NAV2: variants seen among roughly 807,000 people sequenced by gnomAD.
The protein encoded by NAV2 is helicase, APC down-regulated 1.
NAV2 carries 54 observed loss-of-function variants against 223.2 expected under a neutral mutation model. That is an observed-to-expected ratio of 0.24 (90% CI 0.19 to 0.30). NAV2 has a LOEUF of 0.30. NAV2 is among the 10% of genes least tolerant of loss of function. The pLI, the probability that NAV2 is intolerant of heterozygous loss-of-function variation, is 1.00. For missense variants in NAV2, 2,806 were observed against 3,147.5 expected, an observed-to-expected ratio of 0.89 and a Z score of 2.60; for synonymous variants, 1,279 against 1,239.3, an observed-to-expected ratio of 1.03 and a Z score of -0.67.
intron 1 of NAV2, among the ~76,000 whole-genome samples, chr11:19,828,174 G>A (rs1047652939): frequency 6.6e-6 from 1 of 152,118 alleles, no homozygotes; most frequent in African/African-American, 2.4e-5. Flanking sequence ...TTTTTTAAGG[G>A]GGGGATGGTA....
chr11:19,983,764 C>T (rs1159791572), intron 10 of NAV2, among the ~76,000 whole-genome samples: 2 of 152,108 alleles, frequency 1.3e-5, no homozygotes, highest in East Asian at 1.9e-4. Flanking sequence ...GTTCCATTTC[C>T]GTTACTCAGG....
At chr11:19,377,260 C>G (rs1406136003) in intron 1 of NAV2, among the ~76,000 whole-genome samples, 1 of 152,204 alleles carries the variant, frequency 6.6e-6, no homozygotes, top group East Asian at 1.9e-4. Flanking sequence ...AGGGTGCTAT[C>G]TATGTCTTCT....
chr11:19,795,123 A>G (rs1022718954), intron 1 of NAV2, among the ~76,000 whole-genome samples: 1 of 152,088 alleles, frequency 6.6e-6, no homozygotes, highest in African/African-American at 2.4e-5. Context: ...GAAATTCATG[A>G]CTCTTTCTAA....
chr11:19,397,924 C>T (rs1426112643), intron 1 of NAV2, among the ~76,000 whole-genome samples: 1 of 152,114 alleles, frequency 6.6e-6, no homozygotes, highest in Admixed American at 6.5e-5. Context: ...AGCAGCAGTG[C>T]CTCTGTGTGA....
chr11:20,011,015 C>G (rs538322611), intron 11 of NAV2, among the ~76,000 whole-genome samples: 73 of 152,326 alleles, frequency 4.8e-4, no homozygotes, highest in African/African-American at 1.7e-3. Flanking sequence ...TCCCATCTCT[C>G]TAGTCTCTTC....
chr11:19,574,742 G>A (rs1692795914), intron 1 of NAV2, among the ~76,000 whole-genome samples: 3 of 152,218 alleles, frequency 2.0e-5, no homozygotes, highest in South Asian at 4.1e-4. Flanking sequence ...GAAAGGAAAT[G>A]AACAACCATG....
chr11:20,100,764 G>C (rs1217126901), intron 31 of NAV2, among the ~76,000 whole-genome samples, 173 bp from the exon 32 acceptor site: 1 of 152,144 alleles, frequency 6.6e-6, no homozygotes, highest in East Asian at 1.9e-4. Context: ...TGACTTCCTA[G>C]AGCAGCAGCA....
At chr11:19,675,610 C>T (rs748191292) in intron 1 of NAV2, among the ~76,000 whole-genome samples, 33 of 152,324 alleles carry the variant, frequency 2.2e-4, no homozygotes, top group Non-Finnish European at 4.4e-4. Flanking sequence ...TGAATGCTTG[C>T]ATCACTGACT....
intron 1 of NAV2, among the ~76,000 whole-genome samples, chr11:19,818,230 G>GTTT (rs2059201138): frequency 1.4e-5 from 1 of 73,980 alleles, no homozygotes; most frequent in African/African-American, 5.3e-5. Context: ...TGTATTTAGT[G>GTTT]ATTTTTTTTT....
chr11:19,946,217 T>C (rs1259253761), intron 8 of NAV2, among the ~76,000 whole-genome samples, 184 bp from the exon 9 acceptor site: 1 of 152,232 alleles, frequency 6.6e-6, no homozygotes, highest in Non-Finnish European at 1.5e-5. Context: ...GACTTCACAC[T>C]TCCTTTGGGC....
chr11:19,601,837 T>C (rs996171865), intron 1 of NAV2, among the ~76,000 whole-genome samples: 8 of 152,004 alleles, frequency 5.3e-5, no homozygotes, highest in African/African-American at 9.7e-5. Flanking sequence ...AAAGTGGGAG[T>C]GGGAATCTTT....
At chr11:19,980,436 G>C (rs921824547) in intron 10 of NAV2, among the ~76,000 whole-genome samples, 5 of 152,194 alleles carry the variant, frequency 3.3e-5, no homozygotes, top group Admixed American at 2.6e-4. Context: ...TTCTGAGATT[G>C]AGTTCTTGGA....
intron 1 of NAV2, among the ~76,000 whole-genome samples, chr11:19,422,915 A>T (rs1312883031): frequency 2.0e-5 from 3 of 152,172 alleles, no homozygotes; most frequent in African/African-American, 7.2e-5. Flanking sequence ...TCTCCTTTTA[A>T]TATCAGGTGG....
intron 3 of NAV2, among the ~76,000 whole-genome samples, chr11:19,863,203 A>C (rs2061890499): frequency 6.6e-6 from 1 of 152,190 alleles, no homozygotes; most frequent in South Asian, 2.1e-4. Context: ...AGACTTCCCA[A>C]GGAATGAAGA....
chr11:20,108,378 C>G (rs994485588), intron 36 of NAV2, among the ~76,000 whole-genome samples: 30 of 152,202 alleles, frequency 2.0e-4, no homozygotes, highest in African/African-American at 7.0e-4. Flanking sequence ...CCCCTACCCT[C>G]TTAGGAACTT....
intron 1 of NAV2, among the ~76,000 whole-genome samples, chr11:19,776,632 ATGTGTGTGTG>A (rs71050685): frequency 5.4e-4 from 35 of 64,658 alleles, no homozygotes; most frequent in East Asian, 1.5e-3. Flanking sequence ...GGGTCAGAAA[ATGTGTGTGTG>A]TGTGTGTGTG....
In NAV2 at chr11:20,100,924, C is replaced by G. The variant is rs1260832971; in HGVS notation, c.6182-13C>G. 1.2e-6 allele frequency: 2 copies of G among 1,610,818 alleles called. No individual in the cohort carries two copies. The highest frequency in any genetic ancestry group is 1.7e-6 in the Non-Finnish European group (2 of 1,177,176). On this transcript the variant is annotated splice_polypyrimidine_tract_variant and intron_variant, in intron 31 of 37. Coordinates refer to ENST00000349880, the MANE Select transcript of NAV2 (RefSeq NM_145117.5). ...ACAGGGCTTCAGATGATTCCTGTCT[C>G]TCTCAAATGCAGGGCTCGCAGAAAA...
At chr11:19,649,634 C>T (rs1008120048) in intron 1 of NAV2, among the ~76,000 whole-genome samples, 5 of 152,146 alleles carry the variant, frequency 3.3e-5, no homozygotes, top group Non-Finnish European at 5.9e-5. Context: ...CCTTCATGAC[C>T]TAATCACCTC....
chr11:19,473,835 A>T (rs1227914208), intron 1 of NAV2, among the ~76,000 whole-genome samples: 1 of 152,202 alleles, frequency 6.6e-6, no homozygotes, highest in Non-Finnish European at 1.5e-5. Flanking sequence ...CTCACCCAAG[A>T]TTATACTTGC....
Sources: allele counts gnomAD v4.1 joint callset (sites outside exome capture counted in the v4.1 genomes callset), GRCh38; gene constraint gnomAD v4.1.1; transcripts MANE v1.5; gene names NCBI Gene and HGNC (gene_info 2026-07-23, HGNC 2026-07-21).